Variants in BSN observed in about 807,000 individuals in gnomAD.
BSN encodes the protein bassoon presynaptic cytomatrix protein.
BSN carries 57 observed loss-of-function variants against 264.8 expected under a neutral mutation model. The observed-to-expected ratio is 0.22, with a 90% CI of 0.17 to 0.27. BSN has a LOEUF of 0.27. BSN is among the 10% of genes least tolerant of loss of function. The pLI, the probability that BSN is intolerant of heterozygous loss-of-function variation, is 1.00. For synonymous variants in BSN, 2,059 were observed against 2,137.3 expected (o/e 0.96, Z 1.01); for missense variants, 4,615 against 5,232.5 (o/e 0.88, Z 3.64).
chr3:49,606,736 G>A (rs2052155643), intron 1 of BSN, among the ~76,000 whole-genome samples: 1 of 152,016 alleles, frequency 6.6e-6, no homozygotes. Context: ...ACCCCACTCT[G>A]TTCTCTGGAA....
Position 49,655,087 on chromosome 3 carries a change from C to G in BSN, c.5531C>G (p.Ala1844Gly). 6.2e-7 allele frequency: 1 copy of G among 1,612,892 alleles called. No individual in the cohort carries two copies. The highest frequency in any genetic ancestry group is 8.5e-7 in the Non-Finnish European group (1 of 1,179,998). ...VPEPGAEPHR[A>G]TPAELRSHAL... ...GAGCCAGGTGCCGAGCCCCACCGGG[C>G]CACCCCTGCAGAGCTGCGGTCACAT... The change falls in exon 5 of 12, where the codon GCC becomes GGC. Residue 1844 changes from alanine (A) to glycine (G), a missense_variant. Transcript: ENST00000296452.
Position 49,662,542 on chromosome 3 carries a change from G to T in BSN, c.10697G>T (p.Cys3566Phe), listed in dbSNP as rs778872075. 2 of 1,593,508 alleles carry T rather than the reference G, an allele frequency of 1.3e-6. No homozygotes were observed. The highest frequency in any genetic ancestry group is 1.8e-5 in the Admixed American group (1 of 57,042). Residue 3566 changes from cysteine to phenylalanine, a missense_variant, in exon 6 of 12, where the codon TGC becomes TTC. Physicochemically the swap from Cys to Phe is radical, Grantham distance 205 (BLOSUM62 -2). This residue lies in a region of BSN where 3,415 missense variants were observed against 3,866.4 expected (regional missense o/e 0.88). Transcript: ENST00000296452. ...GGCTACATCCTGGATGATTCCCATTGCGTGGTTTCCGACAGCGAAGGTAAT... is the reference window on the plus strand; with the variant it reads ...GGCTACATCCTGGATGATTCCCATTTCGTGGTTTCCGACAGCGAAGGTAAT... ...EEGYILDDSH[C>F]VVSDSEAYHL...
chr3:49,572,223 G>A (rs1015256350), intron 1 of BSN, among the ~76,000 whole-genome samples: 3 of 152,106 alleles, frequency 2.0e-5, no homozygotes, highest in African/African-American at 4.8e-5. Context: ...AACTTTTTGG[G>A]ACAAAAATAA....
intron 6 of BSN, 87 bp from the exon 7 acceptor site, chr3:49,662,787 ACT>A: frequency 1.4e-6 from 2 of 1,478,604 alleles, no homozygotes; most frequent in Non-Finnish European, 1.8e-6. Context: ...TGTGGCACCC[ACT>A]CTCTTGGTTT....
chr3:49,622,286 A>G (rs1440895664), intron 1 of BSN, among the ~76,000 whole-genome samples: 1 of 152,208 alleles, frequency 6.6e-6, no homozygotes, highest in African/African-American at 2.4e-5. Flanking sequence ...GGAAGCATCT[A>G]GGAAGATGGG....
Position 49,606,202 on chromosome 3 carries a change from AT to A in BSN, c.225-18771del, listed in dbSNP as rs1450644125. Reference sequence around the variant, plus strand: ...ATGTATATATATTATATATACATATATTATATATGTATATATTATATATACA... The same window carrying A: ...ATGTATATATATTATATATACATATATATATATGTATATATTATATATACA... On this transcript the variant is annotated intron_variant, in intron 1 of 11. Transcript: ENST00000296452. Among the ~76,000 whole-genome samples the A allele has an allele frequency of 1.7e-3, 99 of 59,624 alleles. 2 individuals are homozygous for A. Among genetic ancestry groups the A allele is most frequent in the African/African-American group, 4.9e-3 (63 of 12,828 alleles). 39.1% of individuals were successfully genotyped at this position (59,624 alleles called of 152,430 possible).
intron 1 of BSN, among the ~76,000 whole-genome samples, chr3:49,606,039 ATT>A (rs1337410341): frequency 1.1e-5 from 1 of 91,412 alleles, no homozygotes; most frequent in Non-Finnish European, 1.9e-5. Flanking sequence ...TACATAATAT[ATT>A]ATATTATATA....
intron 1 of BSN, among the ~76,000 whole-genome samples, chr3:49,577,542 CTTT>C (rs60498586): frequency 5.5e-5 from 8 of 145,522 alleles, no homozygotes; most frequent in Admixed American, 6.9e-5. Context: ...TCTTTTCTTT[CTTT>C]TTTTTTTTTT....
intron 1 of BSN, among the ~76,000 whole-genome samples, chr3:49,602,028 C>G (rs1235416615): frequency 1.3e-5 from 2 of 152,198 alleles, no homozygotes; most frequent in Non-Finnish European, 2.9e-5. Flanking sequence ...AAAGTGGGCC[C>G]TGTTTCCTGA....
At position 49,654,406 on chromosome 3, in the gene BSN, G is replaced by T; in HGVS notation, c.4850G>T (p.Arg1617Leu). 6.2e-7 allele frequency: 1 copy of T among 1,601,290 alleles called. No homozygotes were observed. Among genetic ancestry groups the T allele is most frequent in the Non-Finnish European group, 8.5e-7 (1 of 1,174,534 alleles). The change falls in exon 5 of 12, where the codon CGG becomes CTG. Residue 1617 changes from arginine (R) to leucine (L), a missense_variant. Around this residue, in one of 3 missense-constraint regions of BSN, gnomAD observed 3,415 missense variants for 3,866.4 expected, o/e 0.88. Transcript: ENST00000296452. This position sits in a 1 kb window ranked among gnomAD's most constrained non-coding sequence, Gnocchi z 4.1. The part of the protein sequence containing the change: ...PEPPGPPGFP[R>L]VPSAGADGPL... ...CCACCTGGGCCACCTGGCTTTCCAC[G>T]GGTGCCCAGTGCTGGTGCAGATGGG... is the stretch of plus-strand genomic sequence containing the variant.
intron 1 of BSN, among the ~76,000 whole-genome samples, chr3:49,578,773 C>T (rs890640623): frequency 6.6e-6 from 1 of 152,108 alleles, no homozygotes; most frequent in Admixed American, 6.6e-5. Flanking sequence ...ATGTCACTTT[C>T]CATTCTTCCC....
intron 1 of BSN, among the ~76,000 whole-genome samples, chr3:49,605,587 T>TAATATATA (rs1441060599): frequency 8.3e-5 from 1 of 11,994 alleles, no homozygotes; most frequent in Non-Finnish European, 1.4e-4. Context: ...ATATTATATA[T>TAATATATA]TTATATATAA....
intron 1 of BSN, among the ~76,000 whole-genome samples, chr3:49,568,623 G>C (rs1559593807): frequency 6.6e-6 from 1 of 152,152 alleles, no homozygotes; most frequent in Non-Finnish European, 1.5e-5. Context: ...TCACCCTGTA[G>C]CAGAATATAG....
chr3:49,605,179 G>T (rs1473715952), intron 1 of BSN, among the ~76,000 whole-genome samples: 1 of 144,060 alleles, frequency 6.9e-6, no homozygotes, highest in Admixed American at 7.7e-5. Context: ...AGAATTGCTT[G>T]AACCTGGGAG....
chr3:49,606,256 A>AC (rs1491221751), intron 1 of BSN, among the ~76,000 whole-genome samples: 1 of 33,366 alleles, frequency 3.0e-5, no homozygotes, highest in Non-Finnish European at 5.3e-5. Context: ...TATTATATAT[A>AC]AAATATATAT....
rs367859006 is a variant in BSN, at chr3:49,662,024, C to T, written c.10179C>T (p.Val3393=). 1.2e-5 allele frequency: 20 copies of T among 1,613,748 alleles called. No individual in the cohort carries two copies. The highest frequency in any genetic ancestry group is 1.7e-5 in the Admixed American group (1 of 60,012). The change falls in exon 6 of 12, where the codon GTC becomes GTT. Residue 3393 remains valine (V), a synonymous_variant. Transcript: ENST00000296452. ...SDLASYPPPA[V]SSSLVSRGRK... is the part of the protein sequence containing the mutation. ...TGGCGTCCTACCCCCCACCTGCAGTCAGCAGCAGCCTGGTCTCTCGGGGCA... is the reference window on the plus strand; with the variant it reads ...TGGCGTCCTACCCCCCACCTGCAGTTAGCAGCAGCCTGGTCTCTCGGGGCA...
Position 49,632,918 on chromosome 3 carries a change from A to C in BSN, c.633+7535A>C, listed in dbSNP as rs115324393. On this transcript the variant is annotated intron_variant, in intron 2 of 11. Coordinates refer to ENST00000296452, the MANE Select transcript of BSN (RefSeq NM_003458.4). ...GAGTTTGAGACCAGCCTAGGCAAATAGCTAGAACCTGTCTCTGAAAAACAA... is the reference window on the plus strand; with the variant it reads ...GAGTTTGAGACCAGCCTAGGCAAATCGCTAGAACCTGTCTCTGAAAAACAA... Among the ~76,000 whole-genome samples the C allele has an allele frequency of 3.8e-3, 585 of 152,304 alleles. 1 individual carries two copies. Among genetic ancestry groups the C allele is most frequent in the Non-Finnish European group, 6.3e-3 (427 of 68,008 alleles).
chr3:49,613,303 CGAGAGAGAGAGAGAGAGA>C (rs752108805), intron 1 of BSN, among the ~76,000 whole-genome samples: 6 of 47,330 alleles, frequency 1.3e-4, no homozygotes, highest in African/African-American at 4.2e-4. Context: ...ACACACAGAG[CGAGAGAGAGAGAGAGAGA>C]GAGAGAGAGA....
chr3:49,586,497 C>T (rs1484284173), intron 1 of BSN, among the ~76,000 whole-genome samples: 2 of 152,122 alleles, frequency 1.3e-5, no homozygotes, highest in African/African-American at 4.8e-5. Flanking sequence ...TACAGGCACA[C>T]ACCAGCCAAT....
Sources: allele counts gnomAD v4.1 joint callset (sites outside exome capture counted in the v4.1 genomes callset), GRCh38; gene constraint gnomAD v4.1.1; regional missense constraint gnomAD v4.1.1; non-coding constraint Gnocchi (gnomAD v3.1); transcripts MANE v1.5; gene names NCBI Gene and HGNC (gene_info 2026-07-23, HGNC 2026-07-21).